Variants in USP25 observed in about 807,000 individuals in gnomAD.
USP25 encodes the protein ubiquitin carboxyl-terminal hydrolase 25.
USP25 carries 85 observed loss-of-function variants against 158.5 expected under a neutral mutation model. The ratio of observed to expected loss-of-function variants is 0.54; its 90% CI spans 0.45 to 0.64. USP25 has a LOEUF of 0.64. Among genes scored for constraint, USP25 ranks in the 30% least tolerant of loss-of-function variants. The pLI, the probability that USP25 is intolerant of heterozygous loss-of-function variation, is 0.00. For missense variants in USP25, 1,242 were observed against 1,327.3 expected (o/e 0.94, Z 1.00); for synonymous variants, 464 against 460.4 (o/e 1.01, Z -0.10).
chr21:15,803,445 T>C (rs970533616), intron 6 of USP25, among the ~76,000 whole-genome samples: 5 of 151,772 alleles, frequency 3.3e-5, no homozygotes, highest in African/African-American at 4.8e-5. Context: ...AAAATTGGTT[T>C]AGCTTTCAAA....
intron 2 of USP25, among the ~76,000 whole-genome samples, chr21:15,765,676 A>G (rs2033999186): frequency 6.6e-6 from 1 of 152,044 alleles, no homozygotes; most frequent in Admixed American, 6.6e-5. Flanking sequence ...CAAGTTCCAG[A>G]AGACCTTTTT....
intron 1 of USP25, among the ~76,000 whole-genome samples, chr21:15,754,668 C>T (rs557645978): frequency 5.8e-4 from 88 of 152,272 alleles, no homozygotes; most frequent in South Asian, 1.0e-3. Context: ...GAAAGCAAAG[C>T]AAGTTAGTGC....
At chr21:15,815,170 G>A (rs1045569714) in intron 9 of USP25, among the ~76,000 whole-genome samples, 8 of 152,242 alleles carry the variant, frequency 5.3e-5, no homozygotes, top group Non-Finnish European at 7.4e-5. Flanking sequence ...TTGAGCCTGC[G>A]GGTGCACAGA....
chr21:15,753,292 C>T lies in USP25; in HGVS notation c.46-9599C>T, dbSNP rs765616789. On this transcript the variant is annotated intron_variant, in intron 1 of 25. Coordinates refer to ENST00000400183, the MANE Select transcript of USP25 (RefSeq NM_001283041.3). ...TTCACTTGGGTTCATCTGCATGTTG[C>T]GAGGGTCTGTCAGGAGCTGGCTCCA... 1.1e-4 allele frequency among the ~76,000 whole-genome samples: 17 copies of T among 152,192 alleles called. No individual in the cohort carries two copies. The East Asian group carries it at 2.3e-3, about 21-fold the overall frequency.
At chr21:15,747,225 C>T (rs1325527744) in intron 1 of USP25, among the ~76,000 whole-genome samples, 1 of 152,000 alleles carries the variant, frequency 6.6e-6, no homozygotes, top group African/African-American at 2.4e-5. Context: ...CACGTTTACT[C>T]TCATGGAATG....
At chr21:15,802,690 A>G (rs1322647801) in intron 6 of USP25, among the ~76,000 whole-genome samples, 2 of 151,762 alleles carry the variant, frequency 1.3e-5, no homozygotes, top group Non-Finnish European at 3.0e-5. Context: ...CTTACCAGAC[A>G]TCTTATTAGA....
chr21:15,745,030 A>ACTTCCCCTCC (rs1292151160), intron 1 of USP25: 8 of 152,346 alleles, frequency 5.3e-5, no homozygotes, highest in Non-Finnish European at 1.2e-4. Flanking sequence ...CATCCCCGCC[A>ACTTCCCCTCC]CTTCCCCTCC....
At chr21:15,787,773 T>C (rs566230127) in intron 4 of USP25, among the ~76,000 whole-genome samples, 1 of 151,970 alleles carries the variant, frequency 6.6e-6, no homozygotes, top group South Asian at 2.1e-4. Flanking sequence ...TTAAAGTGTA[T>C]GCATGTTTCT....
chr21:15,738,801 G>A (rs1391540697), intron 1 of USP25, among the ~76,000 whole-genome samples: 1 of 152,138 alleles, frequency 6.6e-6, no homozygotes, highest in Non-Finnish European at 1.5e-5. Flanking sequence ...CCCTGGGCCT[G>A]GTAGTTAAAG....
intron 24 of USP25, among the ~76,000 whole-genome samples, chr21:15,874,819 G>T (rs1446359284): frequency 2.6e-5 from 4 of 151,736 alleles, no homozygotes; most frequent in African/African-American, 9.7e-5. Context: ...CCTTTTTTTG[G>T]TGGGAGAGGA....
intron 1 of USP25, among the ~76,000 whole-genome samples, chr21:15,749,838 G>T (rs1320891984): frequency 6.6e-6 from 1 of 152,206 alleles, no homozygotes; most frequent in Non-Finnish European, 1.5e-5. Flanking sequence ...AATCTTCAAT[G>T]ATTTAGTGCC....
At chr21:15,860,248 G>A (rs924468461) in intron 20 of USP25, among the ~76,000 whole-genome samples, 2 of 152,058 alleles carry the variant, frequency 1.3e-5, no homozygotes, top group African/African-American at 4.8e-5. Context: ...TGCCTCCTGG[G>A]TTCAAGCAAT....
intron 20 of USP25, among the ~76,000 whole-genome samples, chr21:15,860,966 A>G (rs1165083054): frequency 6.9e-6 from 1 of 143,902 alleles, no homozygotes; most frequent in East Asian, 2.0e-4. Context: ...ATATATATAT[A>G]TATATATATA....
Position 15,843,954 on chromosome 21 carries a change from A to T in USP25, c.2337+1414A>T, listed in dbSNP as rs2038458988. Among the ~76,000 whole-genome samples, 2 of 152,172 alleles carry T rather than the reference A, an allele frequency of 1.3e-5. No homozygotes were observed. Among genetic ancestry groups the T allele is most frequent in the South Asian group, 4.1e-4 (2 of 4,830 alleles). On this transcript the variant is annotated intron_variant, in intron 18 of 25. Transcript: ENST00000400183. This position sits in a 1 kb window ranked among gnomAD's most constrained non-coding sequence, Gnocchi z 4.0. ...AGTTTGGAAAATCATATGGAATTTA[A>T]ATTTGCAGAAGTCAGCTAAATTTTG...
chr21:15,837,941 C>CT (rs112784230), intron 17 of USP25, among the ~76,000 whole-genome samples: 1,601 of 145,540 alleles, frequency 0.011, 9 homozygotes, highest in Non-Finnish European at 0.018. Context: ...AGGTGATATT[C>CT]TTTTTTTTTT....
At chr21:15,737,929 C>A (rs747106087) in intron 1 of USP25, among the ~76,000 whole-genome samples, 22 of 151,858 alleles carry the variant, frequency 1.4e-4, no homozygotes, top group Non-Finnish European at 2.8e-4. Flanking sequence ...CTGAAATAAG[C>A]CAGTGAGCAT....
intron 1 of USP25, among the ~76,000 whole-genome samples, chr21:15,743,276 T>TC (rs1290455355): frequency 6.6e-6 from 1 of 152,184 alleles, no homozygotes; most frequent in Non-Finnish European, 1.5e-5. Context: ...TGCCCACAGC[T>TC]CCAGGAGCCA....
intron 1 of USP25, among the ~76,000 whole-genome samples, chr21:15,733,080 C>T (rs1337206432): frequency 3.0e-5 from 4 of 134,100 alleles, no homozygotes; most frequent in Non-Finnish European, 4.6e-5. Flanking sequence ...AGCCTTAGAT[C>T]TCAGAAATTT....
chr21:15,809,569 G>A (rs1432545057), intron 8 of USP25, among the ~76,000 whole-genome samples: 3 of 152,118 alleles, frequency 2.0e-5, no homozygotes, highest in African/African-American at 7.2e-5. Context: ...AAATGGTACA[G>A]CCACTGTGGA....
Sources: allele counts gnomAD v4.1 joint callset (sites outside exome capture counted in the v4.1 genomes callset), GRCh38; gene constraint gnomAD v4.1.1; non-coding constraint Gnocchi (gnomAD v3.1); transcripts MANE v1.5; gene names NCBI Gene and HGNC (gene_info 2026-07-23, HGNC 2026-07-21).